Variants in UMAD1 observed in about 807,000 individuals in gnomAD.
UMAD1 encodes UBAP1-MVB12-associated (UMA)-domain containing protein 1.
UMAD1 carries 8 observed loss-of-function variants against 6.1 expected under a neutral mutation model. The ratio of observed to expected loss-of-function variants is 1.30; its 90% CI spans 0.76 to 2.35. The LOEUF (loss-of-function observed/expected upper bound fraction) is 2.35. UMAD1 is among the 30% of genes most tolerant of loss of function. The pLI is 0.00. For synonymous variants in UMAD1, 56 were observed against 31.4 expected (o/e 1.78, Z -2.61); for missense variants, 130 against 78.4 (o/e 1.66, Z -2.49).
intron 3 of UMAD1, among the ~76,000 whole-genome samples, chr7:7,808,454 A>G (rs1002072713): frequency 2.0e-5 from 3 of 152,022 alleles, no homozygotes; most frequent in Non-Finnish European, 2.9e-5. Context: ...TGAAAACTGG[A>G]ACCGTATTAG....
In UMAD1 at chr7:7,830,041, AT is replaced by A. The variant is rs1783430115; in HGVS notation, c.156+28300del. Among the ~76,000 whole-genome samples the A allele has an allele frequency of 6.6e-6, 1 of 152,122 alleles. No homozygotes were observed. The highest frequency in any genetic ancestry group is 1.5e-5 in the Non-Finnish European group (1 of 68,022). The stretch of plus-strand genomic sequence containing the variant: ...CTTCTGACTTTTGCCTTTCTGGTCT[AT>A]TCTTTACACAGCACTAGAGTTTTCT... On this transcript the variant is annotated intron_variant, in intron 3 of 3. Coordinates refer to ENST00000682710, the MANE Select transcript of UMAD1 (RefSeq NM_001302348.2). This position sits in a 1 kb window ranked among gnomAD's most constrained non-coding sequence, Gnocchi z 5.3.
chr7:7,714,224 C>G (rs1173765254), intron 2 of UMAD1, among the ~76,000 whole-genome samples: 2 of 152,222 alleles, frequency 1.3e-5, no homozygotes, highest in Non-Finnish European at 2.9e-5. Context: ...CTGACCTCCA[C>G]TTATATGACT....
chr7:7,779,983 A>G (rs1372401137), intron 2 of UMAD1, among the ~76,000 whole-genome samples: 1 of 152,198 alleles, frequency 6.6e-6, no homozygotes, highest in Non-Finnish European at 1.5e-5. Context: ...CTCTACAAAC[A>G]AGAACTGCTT....
chr7:7,718,785 ACT>A (rs1780984174), intron 2 of UMAD1, among the ~76,000 whole-genome samples: 2 of 152,088 alleles, frequency 1.3e-5, no homozygotes, highest in South Asian at 4.1e-4. Flanking sequence ...TTTCTTTCTG[ACT>A]CTCAGAAGCA....
At chr7:7,715,444 G>T (rs1009451126) in intron 2 of UMAD1, among the ~76,000 whole-genome samples, 4 of 152,212 alleles carry the variant, frequency 2.6e-5, no homozygotes, top group African/African-American at 9.6e-5. Flanking sequence ...AAGTAACTTA[G>T]GGAAGTGCAC....
chr7:7,826,360 C>T (rs186926828), intron 3 of UMAD1, among the ~76,000 whole-genome samples: 2 of 152,016 alleles, frequency 1.3e-5, no homozygotes, highest in Non-Finnish European at 2.9e-5. Flanking sequence ...ATCATTATTT[C>T]GATTCTCTAG....
chr7:7,778,298 CAGAG>C (rs201230214), intron 2 of UMAD1, among the ~76,000 whole-genome samples: 207 of 103,910 alleles, frequency 2.0e-3, no homozygotes, highest in African/African-American at 5.6e-3. Context: ...GAGAGAGAGA[CAGAG>C]AGAGAGCGTA....
chr7:7,661,791 C>T (rs1785481217), intron 1 of UMAD1, among the ~76,000 whole-genome samples: 1 of 152,162 alleles, frequency 6.6e-6, no homozygotes. Flanking sequence ...GTGTCAGGGA[C>T]CCACTTGAGG....
intron 3 of UMAD1, among the ~76,000 whole-genome samples, chr7:7,804,795 C>T (rs768992981): frequency 6.6e-6 from 1 of 152,078 alleles, no homozygotes; most frequent in African/African-American, 2.4e-5. Flanking sequence ...TTCTGGCTAA[C>T]ATGGTGAAAC....
intron 2 of UMAD1, among the ~76,000 whole-genome samples, chr7:7,782,696 C>T (rs530536194): frequency 6.6e-6 from 1 of 151,476 alleles, no homozygotes; most frequent in Admixed American, 6.6e-5. Context: ...TGCCTACAAG[C>T]CGAAACAATA....
intron 2 of UMAD1, among the ~76,000 whole-genome samples, chr7:7,756,540 C>T (rs73050093): frequency 0.19 from 29,001 of 152,118 alleles, 2,876 homozygotes; most frequent in African/African-American, 0.21. Flanking sequence ...CCAGCCGCCC[C>T]TTTCTGGTGG....
intron 2 of UMAD1, among the ~76,000 whole-genome samples, chr7:7,785,338 C>G (rs1782440332): frequency 1.3e-5 from 2 of 152,034 alleles, no homozygotes; most frequent in Non-Finnish European, 2.9e-5. Context: ...GAAGAATGTT[C>G]AAGACACACA....
intron 1 of UMAD1, among the ~76,000 whole-genome samples, chr7:7,666,665 T>A (rs1011178948): frequency 1.3e-5 from 2 of 152,132 alleles, no homozygotes; most frequent in African/African-American, 4.8e-5. Flanking sequence ...CTGTTCATAT[T>A]TTTTGCCCGG....
At chr7:7,721,365 T>C (rs544826086) in intron 2 of UMAD1, among the ~76,000 whole-genome samples, 8 of 152,320 alleles carry the variant, frequency 5.3e-5, no homozygotes, top group African/African-American at 1.7e-4. Flanking sequence ...TCATGAGCTC[T>C]GGACCTGTCA....
intron 2 of UMAD1, among the ~76,000 whole-genome samples, chr7:7,756,675 A>G (rs1474274214): frequency 2.0e-5 from 3 of 152,180 alleles, no homozygotes; most frequent in Non-Finnish European, 4.4e-5. Flanking sequence ...TTTTAATTTT[A>G]GCGTTAAGTT....
chr7:7,751,038 G>T (rs940723605), intron 2 of UMAD1, among the ~76,000 whole-genome samples: 1 of 152,158 alleles, frequency 6.6e-6, no homozygotes, highest in African/African-American at 2.4e-5. Flanking sequence ...TTAAAAGCCA[G>T]TTGAGACTTC....
At chr7:7,725,436 G>C (rs986656298) in intron 2 of UMAD1, among the ~76,000 whole-genome samples, 1 of 152,148 alleles carries the variant, frequency 6.6e-6, no homozygotes, top group Admixed American at 6.5e-5. Context: ...CCTTTGGCAG[G>C]CCCCCATAAG....
intron 2 of UMAD1, among the ~76,000 whole-genome samples, chr7:7,741,443 C>T (rs563941810): frequency 1.3e-4 from 19 of 151,702 alleles, no homozygotes; most frequent in African/African-American, 4.6e-4. Context: ...TGGTGGCGTG[C>T]GCCTGTAGTC....
chr7:7,803,497 A>G (rs1782843136), intron 3 of UMAD1, among the ~76,000 whole-genome samples: 1 of 152,170 alleles, frequency 6.6e-6, no homozygotes, highest in African/African-American at 2.4e-5. Context: ...TATGTTTGGG[A>G]TTTGGGAGAT....
Sources: allele counts gnomAD v4.1 joint callset (sites outside exome capture counted in the v4.1 genomes callset), GRCh38; gene constraint gnomAD v4.1.1; non-coding constraint Gnocchi (gnomAD v3.1); transcripts MANE v1.5; gene names NCBI Gene and HGNC (gene_info 2026-07-23, HGNC 2026-07-21).